Variants in PPFIA3 observed in about 807,000 individuals in gnomAD.
The protein encoded by PPFIA3 is PPFI scaffold protein A3.
Under a neutral mutation model 145.8 loss-of-function variants are expected in PPFIA3, and 26 were observed. That is an observed-to-expected ratio of 0.18 (90% CI 0.13 to 0.25). PPFIA3 has a LOEUF of 0.25. Ranked by LOEUF, PPFIA3 falls within the 10% of genes least tolerant of loss-of-function variation. The pLI, the probability that PPFIA3 is intolerant of heterozygous loss-of-function variation, is 1.00. For missense variants in PPFIA3, 1,008 were observed against 1,587.8 expected, an observed-to-expected ratio of 0.63 and a Z score of 6.21; for synonymous variants, 645 against 661.4, an observed-to-expected ratio of 0.98 and a Z score of 0.38.
chr19:49,146,256 C>T, intron 23 of PPFIA3, 64 bp downstream of exon 23: 2 of 1,562,732 alleles, frequency 1.3e-6, no homozygotes, highest in African/African-American at 2.7e-5. Context: ...GGATGCCCCT[C>T]CTCCGAGCCC....
rs2041278490 is a variant in PPFIA3, at chr19:49,146,205, G to A, written c.2835+13G>A. The stretch of plus-strand genomic sequence containing the variant: ...CAGCTGGGAGCAGGTAGGGGGCGCG[G>A]GGCGGGGCGTGAGCGCATGAACAGG... On this transcript the variant is annotated intron_variant, in intron 23 of 29. Coordinates refer to ENST00000334186, the MANE Select transcript of PPFIA3 (RefSeq NM_003660.4). 1 of 1,613,428 alleles carries A rather than the reference G, an allele frequency of 6.2e-7. No individual in the cohort carries two copies.
chr19:49,136,794 A>G lies in PPFIA3; in HGVS notation c.1736A>G (p.Glu579Gly), dbSNP rs1256192743. The G allele has an allele frequency of 6.3e-7, 1 of 1,592,834 alleles. No homozygotes were observed. Among genetic ancestry groups the G allele is most frequent in the Non-Finnish European group, 8.5e-7 (1 of 1,169,874 alleles). ...CCTGGGGAACTGGACGGCTCCGATG[A>G]GGAGGAGGCAGAGGGGATGTTTGGG... The part of the protein sequence containing the change: ...PFPGELDGSD[E>G]EEAEGMFGAE... Residue 579 changes from glutamate to glycine, a missense_variant, in exon 15 of 30, where the codon GAG becomes GGG. Transcript: ENST00000334186.
In PPFIA3 at chr19:49,129,511, C is replaced by A. The variant is rs2041043767; in HGVS notation, c.582+57C>A. 12 of 1,534,612 alleles carry A rather than the reference C, an allele frequency of 7.8e-6. No individual in the cohort carries two copies. The South Asian group carries it at 1.2e-4, about 15-fold the overall frequency. On this transcript the variant is annotated intron_variant, in intron 5 of 29. Transcript: ENST00000334186. The stretch of plus-strand genomic sequence containing the variant: ...TCCAAGGGGAGGGGCTAAGGGGCTG[C>A]CCACGGGGCGGAGCCGGTTGGGTGG...
rs1600330518 is a variant in PPFIA3 at position 49,130,612 on chromosome 19, G to A, written c.879+13G>A. The A allele has an allele frequency of 6.5e-7, 1 of 1,547,722 alleles. No individual in the cohort carries two copies. Among genetic ancestry groups the A allele is most frequent in the South Asian group, 1.2e-5 (1 of 83,942 alleles). The stretch of plus-strand genomic sequence containing the variant: ...CGACCTCAAGGAGGTGAGGCCCCCA[G>A]GGAGGCGGGCTGCCCTGGGTCCCTC... On this transcript the variant is annotated intron_variant, in intron 7 of 29. Coordinates refer to ENST00000334186, the MANE Select transcript of PPFIA3 (RefSeq NM_003660.4). This position sits in a 1 kb window ranked among gnomAD's most constrained non-coding sequence, Gnocchi z 4.5.
In PPFIA3 at chr19:49,123,012, C is replaced by T. The variant is rs2040955521; in HGVS notation, c.-16+3290C>T. On this transcript the variant is annotated intron_variant, in intron 1 of 29. Coordinates refer to ENST00000334186, the MANE Select transcript of PPFIA3 (RefSeq NM_003660.4). The stretch of plus-strand genomic sequence containing the variant: ...TTGGGATTACAGGCAGGAGCCACCA[C>T]GCCCGGCCTGTTGTTTAGTTTTTAT... Among the ~76,000 whole-genome samples the T allele has an allele frequency of 2.0e-5, 3 of 151,690 alleles. 1 individual carries two copies. The East Asian group carries it at 5.9e-4, about 30-fold the overall frequency.
Position 49,133,700 on chromosome 19 carries a change from G to A in PPFIA3, c.1162-96G>A, listed in dbSNP as rs1183954005. The A allele has an allele frequency of 7.6e-7, 1 of 1,314,190 alleles. No homozygotes were observed. Among genetic ancestry groups the A allele is most frequent in the Non-Finnish European group, 1.1e-6 (1 of 925,452 alleles). 81.4% of individuals were successfully genotyped at this position (1,314,190 alleles called of 1,614,324 possible). A position where few individuals can be genotyped will look rare whatever the true frequency, so the allele number is the denominator to read the frequency against. On this transcript the variant is annotated intron_variant, in intron 9 of 29. Transcript: ENST00000334186. This position sits in a 1 kb window ranked among gnomAD's most constrained non-coding sequence, Gnocchi z 7.2. ...TGCAGGGGAGGAGCCTGGCGCTGTG[G>A]GGGCGGAGCCTGGCGCTCAGCCTTG...
rs890991747 is a variant in PPFIA3, at chr19:49,148,820, G to A, written c.3109+57G>A. On this transcript the variant is annotated intron_variant, in intron 25 of 29. Coordinates refer to ENST00000334186, the MANE Select transcript of PPFIA3 (RefSeq NM_003660.4). Reference sequence around the variant, plus strand: ...CAGGTGGAGGGCGTGGAGCTGGATGGGGAGGAGAGGGGGTAGGGGGAGACC... The same window carrying A: ...CAGGTGGAGGGCGTGGAGCTGGATGAGGAGGAGAGGGGGTAGGGGGAGACC... 2.5e-4 allele frequency: 395 copies of A among 1,555,096 alleles called. 3 individuals are homozygous for A. Among genetic ancestry groups the A allele is most frequent in the Non-Finnish European group, 3.4e-4 (379 of 1,129,166 alleles).
chr19:49,150,069 T>C lies in PPFIA3; in HGVS notation c.3527-11T>C, dbSNP rs779724684. The C allele has an allele frequency of 6.2e-7, 1 of 1,606,516 alleles. No homozygotes were observed. Among genetic ancestry groups the C allele is most frequent in the Non-Finnish European group, 8.5e-7 (1 of 1,177,082 alleles). Reference sequence around the variant, plus strand: ...TGCTCCAGGCTGAACCGCTGCTCGCTCTCCCTCCAGGCCAGACTTCTGGGA... The same window carrying C: ...TGCTCCAGGCTGAACCGCTGCTCGCCCTCCCTCCAGGCCAGACTTCTGGGA... On this transcript the variant is annotated splice_polypyrimidine_tract_variant and intron_variant, in intron 28 of 29. Transcript: ENST00000334186.
intron 21 of PPFIA3, 129 bp downstream of exon 21, chr19:49,143,133 C>G (rs548676644): frequency 2.2e-5 from 24 of 1,078,286 alleles, no homozygotes; most frequent in Non-Finnish European, 2.9e-5. Flanking sequence ...TTTTACCCCC[C>G]TCAGCCTCCC....
At chr19:49,141,590 G>GTA (rs2041223634) in intron 19 of PPFIA3, 77 bp downstream of exon 19, 14 of 1,157,090 alleles carry the variant, frequency 1.2e-5, no homozygotes, top group African/African-American at 7.1e-5. Context: ...GTGCGTGTAT[G>GTA]TGTGTGTATG....
Position 49,130,515 on chromosome 19 carries a change from G to A in PPFIA3, c.795G>A (p.Gln265=), listed in dbSNP as rs1304504410. Residue 265 remains glutamine (Q), a synonymous_variant, in exon 7 of 30, where the codon CAG becomes CAA. Coordinates refer to ENST00000334186, the MANE Select transcript of PPFIA3 (RefSeq NM_003660.4). The surrounding 1 kb of genome is among the most constrained non-coding windows in gnomAD (Gnocchi z 4.5). ...RLAVLCRQMS[Q]LEEELGTAHR... is the part of the protein sequence containing the mutation. Reference sequence around the variant, plus strand: ...CGGTGCTGTGCCGTCAGATGAGCCAGCTGGAGGAGGAGTTGGGCACCGCGC... The same window carrying A: ...CGGTGCTGTGCCGTCAGATGAGCCAACTGGAGGAGGAGTTGGGCACCGCGC... The A allele has an allele frequency of 1.3e-6, 2 of 1,593,304 alleles. No homozygotes were observed. Among genetic ancestry groups the A allele is most frequent in the South Asian group, 2.3e-5 (2 of 87,986 alleles).
intron 7 of PPFIA3, among the ~76,000 whole-genome samples, chr19:49,132,390 CAAAAAAAAAAAAAAAAAAA>C (rs11351172): frequency 4.6e-5 from 2 of 43,648 alleles, no homozygotes; most frequent in South Asian, 1.4e-3. Context: ...CTCTCTCTCT[CAAAAAAAAAAAAAAAAAAA>C]AAAAAAAAAA....
chr19:49,130,955 G>C lies in PPFIA3; in HGVS notation c.879+356G>C, dbSNP rs1377773307. ...TGGCTTACTGCCACCTCTGCCTCCC[G>C]GGTTCAAGAGATTCTCCTGCCTCAG... On this transcript the variant is annotated intron_variant, in intron 7 of 29. Coordinates refer to ENST00000334186, the MANE Select transcript of PPFIA3 (RefSeq NM_003660.4). The surrounding 1 kb of genome is among the most constrained non-coding windows in gnomAD (Gnocchi z 4.5). 7.0e-6 allele frequency among the ~76,000 whole-genome samples: 1 copy of C among 142,608 alleles called. No homozygotes were observed. Among genetic ancestry groups the C allele is most frequent in the Non-Finnish European group, 1.5e-5 (1 of 65,188 alleles). The allele number at this position is 142,608 out of a possible 152,430, so 93.6% of individuals were successfully genotyped here. A position where few individuals can be genotyped will look rare whatever the true frequency, so the allele number is the denominator to read the frequency against.
At chr19:49,125,488 T>A (rs565704816) in intron 1 of PPFIA3, 2 of 152,402 alleles carry the variant, frequency 1.3e-5, no homozygotes, top group Non-Finnish European at 2.9e-5. Context: ...ATCTCCGCCC[T>A]GCCCCTGGCT....
chr19:49,130,652 C>A lies in PPFIA3; in HGVS notation c.879+53C>A. 6.8e-7 allele frequency: 1 copy of A among 1,462,472 alleles called. No individual in the cohort carries two copies. The highest frequency in any genetic ancestry group is 9.3e-7 in the Non-Finnish European group (1 of 1,079,550). 90.6% of individuals were successfully genotyped at this position (1,462,472 alleles called of 1,614,324 possible). ...CTGGGTCCCTCGCCTTTCCGTAGAG[C>A]TCTCCCTCGCGCATTGCTCATGAAT... On this transcript the variant is annotated intron_variant, in intron 7 of 29. Coordinates refer to ENST00000334186, the MANE Select transcript of PPFIA3 (RefSeq NM_003660.4). The surrounding 1 kb of genome is among the most constrained non-coding windows in gnomAD (Gnocchi z 4.5).
rs1231635836 is a variant in PPFIA3 at position 49,128,622 on chromosome 19, T to A, written c.342+154T>A. The stretch of plus-strand genomic sequence containing the variant: ...TTCCCTGCTCCCACTTCCTGGCTGG[T>A]CTCCCACTCTGGTGCCACTCCTTCC... On this transcript the variant is annotated intron_variant, in intron 3 of 29. Coordinates refer to ENST00000334186, the MANE Select transcript of PPFIA3 (RefSeq NM_003660.4). This position sits in a 1 kb window ranked among gnomAD's most constrained non-coding sequence, Gnocchi z 4.1. 1.3e-6 allele frequency: 1 copy of A among 791,294 alleles called. No homozygotes were observed. Among genetic ancestry groups the A allele is most frequent in the African/African-American group, 1.7e-5 (1 of 57,914 alleles). 49.0% of individuals were successfully genotyped at this position (791,294 alleles called of 1,614,324 possible).
At chr19:49,137,124 T>C in intron 15 of PPFIA3, 1 of 428,056 alleles carries the variant, frequency 2.3e-6, no homozygotes, top group Non-Finnish European at 4.1e-6. Context: ...CCCCAGCCAG[T>C]ACTCACCATT....
At chr19:49,123,373 G>T (rs182085434) in intron 1 of PPFIA3, among the ~76,000 whole-genome samples, 3 of 151,854 alleles carry the variant, frequency 2.0e-5, no homozygotes, top group African/African-American at 7.3e-5. Flanking sequence ...TTACTGAGGC[G>T]ATCCTCTCAC....
At chr19:49,127,285 GGGA>G (rs1235075708) in intron 1 of PPFIA3, among the ~76,000 whole-genome samples, 4 of 150,848 alleles carry the variant, frequency 2.7e-5, no homozygotes, top group Admixed American at 6.6e-5. Context: ...GGGAGGCTGA[GGGA>G]GGAGAATTGC....
Sources: allele counts gnomAD v4.1 joint callset (sites outside exome capture counted in the v4.1 genomes callset), GRCh38; gene constraint gnomAD v4.1.1; non-coding constraint Gnocchi (gnomAD v3.1); transcripts MANE v1.5; gene names NCBI Gene and HGNC (gene_info 2026-07-23, HGNC 2026-07-21).